SND1: variants seen among roughly 807,000 people sequenced by gnomAD.
SND1 encodes the protein staphylococcal nuclease and tudor domain containing 1.
A neutral mutation model predicts 121.7 loss-of-function variants in SND1; 38 were observed. The observed-to-expected ratio is 0.31, with a 90% CI of 0.24 to 0.41. The LOEUF is 0.41. SND1 is among the 10% of genes least tolerant of loss of function. The pLI is 1.00. For missense variants in SND1, 868 were observed against 1,184.6 expected (o/e 0.73, Z 3.92); for synonymous variants, 401 against 447.4 (o/e 0.90, Z 1.31).
At chr7:127,825,720 C>T (rs1246204726) in intron 11 of SND1, among the ~76,000 whole-genome samples, 1 of 151,988 alleles carries the variant, frequency 6.6e-6, no homozygotes, top group Non-Finnish European at 1.5e-5. Flanking sequence ...CATACCTGAA[C>T]CATGAATATC....
Position 128,029,777 on chromosome 7 carries a change from C to A in SND1, c.1779+38721C>A, listed in dbSNP as rs763454206. The A allele has an allele frequency of 6.2e-7, 1 of 1,613,150 alleles. No homozygotes were observed. The highest frequency in any genetic ancestry group is 1.1e-5 in the South Asian group (1 of 91,010). On this transcript the variant is annotated intron_variant, in intron 16 of 23. Coordinates refer to ENST00000354725, the MANE Select transcript of SND1 (RefSeq NM_014390.4). This position sits in a 1 kb window ranked among gnomAD's most constrained non-coding sequence, Gnocchi z 4.2. ...GATGCAACTCCACCAGGTACCTCAG[C>A]GGGGTAAAGAGGTCATGGGGCAAAG...
intron 18 of SND1, chr7:128,082,081 T>C (rs950807165): frequency 3.8e-5 from 16 of 420,264 alleles, no homozygotes; most frequent in Non-Finnish European, 6.9e-5. Flanking sequence ...TCCTGAGTGG[T>C]GTGCACTGTG....
intron 12 of SND1, chr7:127,858,261 A>C: frequency 1.3e-6 from 1 of 794,498 alleles, no homozygotes; most frequent in Non-Finnish European, 2.2e-6. Context: ...TGGTCGGCCA[A>C]TTCGGAGAGC....
intron 1 of SND1, among the ~76,000 whole-genome samples, chr7:127,684,334 G>A (rs1795777626): frequency 6.6e-6 from 1 of 152,196 alleles, no homozygotes; most frequent in South Asian, 2.1e-4. Flanking sequence ...CCAAAATTGA[G>A]CAGCAAGCAC....
intron 15 of SND1, among the ~76,000 whole-genome samples, chr7:127,983,244 G>A (rs954825624): frequency 6.6e-6 from 1 of 152,158 alleles, no homozygotes; most frequent in African/African-American, 2.4e-5. Flanking sequence ...CTGGGAGCCT[G>A]TGGATTATAA....
chr7:127,998,111 T>C, intron 16 of SND1: 1 of 413,250 alleles, frequency 2.4e-6, no homozygotes, highest in South Asian at 2.0e-5. Context: ...TAAATAAATA[T>C]TTGTCAAATC....
intron 12 of SND1, among the ~76,000 whole-genome samples, chr7:127,879,785 G>A (rs1002058715): frequency 6.6e-6 from 1 of 152,126 alleles, no homozygotes; most frequent in African/African-American, 2.4e-5. Context: ...AGGGTCATGG[G>A]TGACAGAGGC....
At chr7:128,076,862 C>T (rs1214177322) in intron 17 of SND1, among the ~76,000 whole-genome samples, 1 of 152,194 alleles carries the variant, frequency 6.6e-6, no homozygotes, top group Non-Finnish European at 1.5e-5. Context: ...TTCCCAGCTA[C>T]GAAGGCTTAA....
At position 128,015,102 on chromosome 7, in the gene SND1, G is replaced by T. The variant is rs1195126721; in HGVS notation, c.1779+24046G>T. 6.6e-6 allele frequency among the ~76,000 whole-genome samples: 1 copy of T among 152,150 alleles called. No homozygotes were observed. Among genetic ancestry groups the T allele is most frequent in the Admixed American group, 6.5e-5 (1 of 15,270 alleles). On this transcript the variant is annotated intron_variant, in intron 16 of 23. Transcript: ENST00000354725. The surrounding 1 kb of genome is among the most constrained non-coding windows in gnomAD (Gnocchi z 4.5). ...CATCAGCAGCTGCACCTCCTCCCTC[G>T]CGCCTTCTGTCTGAGCCAACCTTGA...
chr7:128,072,445 T>C (rs1157794290), intron 16 of SND1, among the ~76,000 whole-genome samples: 1 of 152,210 alleles, frequency 6.6e-6, no homozygotes, highest in Non-Finnish European at 1.5e-5. Context: ...GGCTGGGAAC[T>C]GTACCAGCCT....
At chr7:127,704,570 T>C (rs1796157274) in intron 7 of SND1, among the ~76,000 whole-genome samples, 1 of 152,210 alleles carries the variant, frequency 6.6e-6, no homozygotes, top group Non-Finnish European at 1.5e-5. Context: ...TCAGTGCCAC[T>C]AGCATTTATC....
chr7:127,892,720 T>C (rs1800032208), intron 13 of SND1, among the ~76,000 whole-genome samples: 1 of 152,088 alleles, frequency 6.6e-6, no homozygotes, highest in Non-Finnish European at 1.5e-5. Flanking sequence ...CTTTATCTCA[T>C]AGACTTCGTT....
intron 15 of SND1, among the ~76,000 whole-genome samples, chr7:127,987,478 A>C (rs1802420770): frequency 6.6e-6 from 1 of 152,178 alleles, no homozygotes; most frequent in Admixed American, 6.5e-5. Flanking sequence ...CAGCAACGAC[A>C]ACTGACTTTT....
intron 15 of SND1, among the ~76,000 whole-genome samples, chr7:127,936,702 C>T (rs1801069282): frequency 1.3e-5 from 2 of 151,976 alleles, no homozygotes. Flanking sequence ...TGCCACCACA[C>T]CTGGCTAATA....
chr7:127,660,502 T>C (rs1265990652), intron 1 of SND1, among the ~76,000 whole-genome samples: 1 of 152,178 alleles, frequency 6.6e-6, no homozygotes, highest in African/African-American at 2.4e-5. Context: ...TTCTATTTAA[T>C]GCACAAGTAC....
chr7:127,661,287 T>C (rs114662842), intron 1 of SND1, among the ~76,000 whole-genome samples: 228 of 152,322 alleles, frequency 1.5e-3, no homozygotes, highest in African/African-American at 4.8e-3. Flanking sequence ...ATTCCTGATT[T>C]AGGCCATATG....
At chr7:128,054,269 G>A (rs1793099372) in intron 16 of SND1, among the ~76,000 whole-genome samples, 1 of 152,232 alleles carries the variant, frequency 6.6e-6, no homozygotes, top group Admixed American at 6.5e-5. Flanking sequence ...CACCTCCTAA[G>A]GCAAACCAGA....
intron 10 of SND1, among the ~76,000 whole-genome samples, chr7:127,787,767 C>T (rs1219388935): frequency 6.6e-6 from 1 of 152,090 alleles, no homozygotes; most frequent in Non-Finnish European, 1.5e-5. Context: ...GATTTATTAT[C>T]TTTGAATTTT....
intron 10 of SND1, among the ~76,000 whole-genome samples, chr7:127,768,962 C>G (rs1272069355): frequency 6.6e-6 from 1 of 152,198 alleles, no homozygotes; most frequent in African/African-American, 2.4e-5. Context: ...TCCCACCTCC[C>G]TGACTCCTCT....
Sources: allele counts gnomAD v4.1 joint callset (sites outside exome capture counted in the v4.1 genomes callset), GRCh38; gene constraint gnomAD v4.1.1; non-coding constraint Gnocchi (gnomAD v3.1); transcripts MANE v1.5; gene names NCBI Gene and HGNC (gene_info 2026-07-23, HGNC 2026-07-21).